The following TMEM108 variants were observed in gnomAD, a reference collection of about 807,000 sequenced individuals.
The protein encoded by TMEM108 is transmembrane protein 108.
In TMEM108, 12 loss-of-function variants were observed where a neutral mutation model predicts 35.1. The observed-to-expected ratio is 0.34, with a 90% CI of 0.22 to 0.55. TMEM108 has a LOEUF of 0.55. Ranked by LOEUF, TMEM108 falls within the 20% of genes least tolerant of loss-of-function variation. The pLI, the probability that TMEM108 is intolerant of heterozygous loss-of-function variation, is 0.89. For synonymous variants in TMEM108, 287 were observed against 308.6 expected, an observed-to-expected ratio of 0.93 and a Z score of 0.73; for missense variants, 680 against 753.3, an observed-to-expected ratio of 0.90 and a Z score of 1.14.
chr3:133,320,700 C>A (rs182778226), intron 3 of TMEM108, among the ~76,000 whole-genome samples: 92 of 152,310 alleles, frequency 6.0e-4, no homozygotes, highest in Admixed American at 5.6e-3. Flanking sequence ...AAAAGGTCAT[C>A]ACCCAGGTGC....
At chr3:133,144,279 A>G in intron 2 of TMEM108, among the ~76,000 whole-genome samples, 1 of 152,070 alleles carries the variant, frequency 6.6e-6, no homozygotes, top group Admixed American at 6.6e-5. Context: ...AGCTTCATCC[A>G]TGTCCCTGCA....
intron 3 of TMEM108, among the ~76,000 whole-genome samples, chr3:133,339,336 A>G (rs1032032772): frequency 6.6e-6 from 1 of 151,942 alleles, no homozygotes; most frequent in Non-Finnish European, 1.5e-5. Flanking sequence ...AGATTTCAAG[A>G]CAAAAGCTTT....
intron 3 of TMEM108, among the ~76,000 whole-genome samples, chr3:133,241,814 A>T (rs879631337): frequency 2.6e-5 from 4 of 151,910 alleles, no homozygotes; most frequent in Non-Finnish European, 4.4e-5. Flanking sequence ...GAGTTTTACC[A>T]TGTTGGCCAA....
rs745488203 is a variant in TMEM108 at position 133,380,291 on chromosome 3, AAAG to A, written c.584_586del (p.Glu195del). On this transcript the variant is annotated inframe_deletion, in exon 4 of 6. Transcript: ENST00000321871. The surrounding 1 kb of genome is among the most constrained non-coding windows in gnomAD (Gnocchi z 5.3). ...TGCACCTGGTGGCCACTCCAGGAGTAAAGAAGGACAGCGAGGACGAAATCCAAG... is the reference window on the plus strand; with the variant it reads ...TGCACCTGGTGGCCACTCCAGGAGTAAAGGACAGCGAGGACGAAATCCAAG... 4 of 1,614,106 alleles carry A rather than the reference AAAG, an allele frequency of 2.5e-6. No homozygotes were observed. The highest frequency in any genetic ancestry group is 1.1e-5 in the South Asian group (1 of 91,080).
At chr3:133,235,150 T>C (rs973323138) in intron 3 of TMEM108, among the ~76,000 whole-genome samples, 1 of 152,134 alleles carries the variant, frequency 6.6e-6, no homozygotes, top group Non-Finnish European at 1.5e-5. Context: ...ATAGGAAGAA[T>C]CAATGTCGTG....
chr3:133,240,958 A>G (rs1464270666), intron 3 of TMEM108, among the ~76,000 whole-genome samples: 2 of 152,220 alleles, frequency 1.3e-5, no homozygotes, highest in African/African-American at 4.8e-5. Flanking sequence ...AGAAATGTGA[A>G]AGGTAGTCTA....
At chr3:133,310,516 G>C (rs1301227993) in intron 3 of TMEM108, among the ~76,000 whole-genome samples, 2 of 121,878 alleles carry the variant, frequency 1.6e-5, no homozygotes, top group Non-Finnish European at 3.4e-5. Flanking sequence ...CAGAGACTAG[G>C]ATTGCAACCC....
At chr3:133,177,090 C>A (rs1409876046) in intron 2 of TMEM108, among the ~76,000 whole-genome samples, 1 of 152,174 alleles carries the variant, frequency 6.6e-6, no homozygotes. Context: ...TTCCTCGATA[C>A]ATACACCCTC....
At chr3:133,171,156 CTG>C (rs1364033829) in intron 2 of TMEM108, among the ~76,000 whole-genome samples, 1 of 152,088 alleles carries the variant, frequency 6.6e-6, no homozygotes, top group Non-Finnish European at 1.5e-5. Context: ...TTCTGTTAAT[CTG>C]TGTATCGACA....
At chr3:133,039,374 G>C (rs1042727253) in intron 1 of TMEM108, among the ~76,000 whole-genome samples, 1 of 152,162 alleles carries the variant, frequency 6.6e-6, no homozygotes, top group Non-Finnish European at 1.5e-5. Context: ...GGAAGGCAGG[G>C]TCTAAACTAA....
intron 2 of TMEM108, among the ~76,000 whole-genome samples, chr3:133,077,224 T>G (rs1232002546): frequency 6.6e-6 from 1 of 152,160 alleles, no homozygotes; most frequent in African/African-American, 2.4e-5. Flanking sequence ...TTTTATAAAT[T>G]GTTGCAAACA....
At chr3:133,078,877 A>C (rs1217718777) in intron 2 of TMEM108, among the ~76,000 whole-genome samples, 1 of 152,224 alleles carries the variant, frequency 6.6e-6, no homozygotes, top group African/African-American at 2.4e-5. Context: ...TCATTTATCC[A>C]GCGAATAGAT....
chr3:133,241,446 G>A (rs1222438616), intron 3 of TMEM108, among the ~76,000 whole-genome samples: 1 of 152,158 alleles, frequency 6.6e-6, no homozygotes, highest in African/African-American at 2.4e-5. Flanking sequence ...TCTGCTGCAA[G>A]CATCCTAGCA....
At chr3:133,241,780 A>G (rs922643519) in intron 3 of TMEM108, among the ~76,000 whole-genome samples, 2 of 151,938 alleles carry the variant, frequency 1.3e-5, no homozygotes, top group Non-Finnish European at 2.9e-5. Flanking sequence ...ACGCCCAGCT[A>G]ATTTTGCATT....
chr3:133,388,274 A>C (rs2073184026), intron 4 of TMEM108: 3 of 985,276 alleles, frequency 3.0e-6, no homozygotes, highest in South Asian at 4.7e-5. Flanking sequence ...AAGAACAGAG[A>C]CACCAGAGAA....
chr3:133,250,126 C>G (rs2107667451), intron 3 of TMEM108, among the ~76,000 whole-genome samples: 1 of 152,220 alleles, frequency 6.6e-6, no homozygotes, highest in African/African-American at 2.4e-5. Flanking sequence ...ATATAGGACT[C>G]TGGCTTAGTT....
At position 133,380,345 on chromosome 3, in the gene TMEM108, C is replaced by T; in HGVS notation, c.634C>T (p.Pro212Ser). The part of the protein sequence containing the change: ...PSSTPLGQKR[P>S]LGKIFQIYKG... ...CTCCACACCTCTGGGGCAGAAGCGG[C>T]CCCTGGGGAAAATCTTTCAGATCTA... Residue 212 changes from proline (P) to serine (S), a missense_variant, in exon 4 of 6, where the codon CCC becomes TCC. This residue lies in a region of TMEM108 where 526 missense variants were observed against 532.1 expected (regional missense o/e 0.99). Transcript: ENST00000321871. The surrounding 1 kb of genome is among the most constrained non-coding windows in gnomAD (Gnocchi z 5.3). The T allele has an allele frequency of 6.2e-7, 1 of 1,614,094 alleles. No homozygotes were observed. The highest frequency in any genetic ancestry group is 8.5e-7 in the Non-Finnish European group (1 of 1,179,992).
chr3:133,368,280 A>G (rs1224674574), intron 3 of TMEM108, among the ~76,000 whole-genome samples: 1 of 152,150 alleles, frequency 6.6e-6, no homozygotes, highest in Admixed American at 6.5e-5. Flanking sequence ...AAAAACTCCT[A>G]TTTGTCCTAT....
intron 2 of TMEM108, among the ~76,000 whole-genome samples, chr3:133,140,937 C>A (rs751179588): frequency 6.6e-6 from 1 of 152,034 alleles, no homozygotes; most frequent in Non-Finnish European, 1.5e-5. Context: ...GTGTGCCAAG[C>A]ATGGGCTCCA....
Sources: allele counts gnomAD v4.1 joint callset (sites outside exome capture counted in the v4.1 genomes callset), GRCh38; gene constraint gnomAD v4.1.1; regional missense constraint gnomAD v4.1.1; non-coding constraint Gnocchi (gnomAD v3.1); transcripts MANE v1.5; gene names NCBI Gene and HGNC (gene_info 2026-07-23, HGNC 2026-07-21).